Variants in DLGAP2 observed in about 807,000 individuals in gnomAD.
DLGAP2 encodes disks large-associated protein 2.
A neutral mutation model predicts 100.3 loss-of-function variants in DLGAP2; 26 were observed. The ratio of observed to expected loss-of-function variants is 0.26; its 90% confidence interval spans 0.19 to 0.36. The LOEUF is 0.36. Among genes scored for constraint, DLGAP2 ranks in the 10% least tolerant of loss-of-function variants. The pLI, the probability that DLGAP2 is intolerant of heterozygous loss-of-function variation, is 1.00. For synonymous variants in DLGAP2, 886 were observed against 630.1 expected (o/e 1.41, Z -6.08); for missense variants, 1,858 against 1,453.2 (o/e 1.28, Z -4.53).
intron 3 of DLGAP2, among the ~76,000 whole-genome samples, chr8:1,443,961 C>T (rs1199838297): frequency 6.6e-6 from 1 of 152,196 alleles, no homozygotes; most frequent in African/African-American, 2.4e-5. Flanking sequence ...CAAGACAGAG[C>T]TGTGACTTAA....
intron 3 of DLGAP2, among the ~76,000 whole-genome samples, chr8:1,458,784 C>T (rs945442777): frequency 6.6e-6 from 1 of 152,200 alleles, no homozygotes; most frequent in African/African-American, 2.4e-5. Flanking sequence ...GTTTTCTCTG[C>T]ATCCAGACAT....
chr8:1,565,884 G>A lies in DLGAP2; in HGVS notation c.1432G>A (p.Glu478Lys), dbSNP rs764931897. 41 of 1,605,406 alleles carry A rather than the reference G, an allele frequency of 2.6e-5. No homozygotes were observed. The East Asian group carries it at 8.6e-4, about 34-fold the overall frequency. The part of the protein sequence containing the change: ...LKSIGQRPLG[E>K]HQTQTYLQAA... ...GTCCATCGGACAGAGACCGCTTGGA[G>A]AGCACCAGACGTAAGTGAGACCAGC... is the stretch of plus-strand genomic sequence containing the variant. Residue 478 changes from glutamate to lysine, a missense_variant, in exon 6 of 15, where the codon GAG becomes AAG. Transcript: ENST00000637795.
At chr8:1,057,544 C>T (rs1043905925) in intron 2 of DLGAP2, among the ~76,000 whole-genome samples, 70 of 152,216 alleles carry the variant, frequency 4.6e-4, no homozygotes, top group African/African-American at 1.6e-3. Flanking sequence ...AACTTACTGG[C>T]TGTGCTATCT....
intron 1 of DLGAP2, among the ~76,000 whole-genome samples, chr8:782,791 C>T (rs1821732831): frequency 6.6e-6 from 1 of 152,176 alleles, no homozygotes; most frequent in African/African-American, 2.4e-5. Flanking sequence ...CTCAGAATGC[C>T]TTGAAAAGCA....
intron 6 of DLGAP2, among the ~76,000 whole-genome samples, chr8:1,605,749 G>A (rs1584983766): frequency 6.6e-6 from 1 of 152,178 alleles, no homozygotes. Context: ...GAGAACCGAA[G>A]CCAGCAGCTC....
intron 2 of DLGAP2, among the ~76,000 whole-genome samples, chr8:1,240,078 G>C (rs1297407064): frequency 6.7e-6 from 1 of 149,538 alleles, no homozygotes; most frequent in Non-Finnish European, 1.5e-5. Flanking sequence ...ATCTCACATG[G>C]TGCCGTTTCT....
chr8:761,258 C>T (rs1315654594), intron 1 of DLGAP2, among the ~76,000 whole-genome samples: 3 of 152,146 alleles, frequency 2.0e-5, no homozygotes, highest in African/African-American at 7.2e-5. Context: ...GCTGGTCTTC[C>T]ACCCACGCCT....
chr8:885,470 T>A (rs1797905083), intron 1 of DLGAP2, among the ~76,000 whole-genome samples: 1 of 152,214 alleles, frequency 6.6e-6, no homozygotes, highest in South Asian at 2.1e-4. Context: ...GCACATTGAT[T>A]TTGTATCCTG....
At chr8:1,110,171 T>G (rs1227838174) in intron 2 of DLGAP2, among the ~76,000 whole-genome samples, 1 of 143,344 alleles carries the variant, frequency 7.0e-6, no homozygotes, top group Non-Finnish European at 1.5e-5. Context: ...CACGGGTCTG[T>G]GAGGTGTGCA....
intron 2 of DLGAP2, among the ~76,000 whole-genome samples, chr8:1,037,809 G>A (rs565467174): frequency 7.9e-5 from 12 of 152,292 alleles, no homozygotes; most frequent in South Asian, 2.1e-4. Context: ...GCTCTCCAGC[G>A]TTAATATGTG....
intron 3 of DLGAP2, among the ~76,000 whole-genome samples, chr8:1,295,112 G>A (rs890785948): frequency 3.9e-5 from 6 of 152,280 alleles, no homozygotes; most frequent in Admixed American, 2.6e-4. Flanking sequence ...TCATGTTGCA[G>A]TGGGGACTGT....
chr8:1,634,638 G>T (rs994399456), intron 8 of DLGAP2, among the ~76,000 whole-genome samples: 1 of 152,168 alleles, frequency 6.6e-6, no homozygotes, highest in Non-Finnish European at 1.5e-5. Flanking sequence ...CGGTCCAAGA[G>T]ATCATTACTC....
rs926494744 is a variant in DLGAP2, at chr8:1,702,457, T to G, written c.*1051T>G. The stretch of plus-strand genomic sequence containing the variant: ...GAAATATGAATGTGAGTGGTAAGTA[T>G]ATCTCAGTTTAAATGGTAAAGAAGA... On this transcript the variant is annotated 3_prime_UTR_variant, in exon 15 of 15. Coordinates refer to ENST00000637795, the MANE Select transcript of DLGAP2 (RefSeq NM_001346810.2). The G allele has an allele frequency of 6.6e-6, 1 of 152,648 alleles. No homozygotes were observed. Among genetic ancestry groups the G allele is most frequent in the Non-Finnish European group, 1.5e-5 (1 of 68,044 alleles). The allele number at this position is 152,648 out of a possible 1,614,324, so 9.5% of individuals were successfully genotyped here.
intron 1 of DLGAP2, chr8:739,003 C>G (rs1170741874): frequency 6.3e-6 from 1 of 159,634 alleles, no homozygotes; most frequent in African/African-American, 2.4e-5. Context: ...GACGCCGCCG[C>G]CGCCGCCGCC....
intron 3 of DLGAP2, among the ~76,000 whole-genome samples, chr8:1,286,263 T>G (rs763115266): frequency 6.6e-6 from 1 of 152,202 alleles, no homozygotes. Context: ...GATTGTAAGT[T>G]TCCTGAGGCC....
intron 2 of DLGAP2, among the ~76,000 whole-genome samples, chr8:1,218,534 T>A (rs542318991): frequency 6.6e-6 from 1 of 152,146 alleles, no homozygotes; most frequent in African/African-American, 2.4e-5. Context: ...TTGGTTACTG[T>A]AGTTTTATAG....
At chr8:946,025 C>T (rs542441102) in intron 2 of DLGAP2, among the ~76,000 whole-genome samples, 2 of 152,186 alleles carry the variant, frequency 1.3e-5, no homozygotes, top group South Asian at 2.1e-4. Flanking sequence ...GGGTTGAACT[C>T]CTTTGCTCCT....
chr8:1,085,929 G>C (rs1007054890), intron 2 of DLGAP2, among the ~76,000 whole-genome samples: 2 of 152,124 alleles, frequency 1.3e-5, no homozygotes, highest in Admixed American at 1.3e-4. Flanking sequence ...TGTATCTTCA[G>C]TTGTCTTTCA....
intron 4 of DLGAP2, among the ~76,000 whole-genome samples, chr8:1,521,953 A>G (rs533371720): frequency 8.3e-6 from 1 of 121,136 alleles, no homozygotes; most frequent in African/African-American, 3.4e-5. Context: ...AATTTGGAAT[A>G]CTCGGCAGCT....
Sources: gnomAD v4.1 joint callset for allele counts (sites outside exome capture counted in the v4.1 genomes callset) on GRCh38, gnomAD v4.1.1 for gene constraint, MANE v1.5 for transcripts, NCBI Gene and HGNC (gene_info 2026-07-23, HGNC 2026-07-21) for gene names.